The following TEX11 variants were observed in gnomAD, a reference collection of about 807,000 sequenced individuals.
TEX11 encodes testis-expressed protein 11.
TEX11 carries 7 observed loss-of-function variants against 84.4 expected under a neutral mutation model. That is an observed-to-expected ratio of 0.08 (90% CI 0.05 to 0.16). The LOEUF is 0.16. TEX11 is among the 10% of genes least tolerant of loss of function. The pLI is 1.00. For missense variants in TEX11, 551 were observed against 660.5 expected (o/e 0.83, Z 1.82); for synonymous variants, 264 against 222.8 (o/e 1.18, Z -1.64).
intron 25 of TEX11, among the ~76,000 whole-genome samples, chrX:70,567,263 T>C (rs1603076917): frequency 1.8e-5 from 2 of 111,400 alleles, no homozygotes; most frequent in African/African-American, 6.5e-5. Context: ...CCCTTTATCA[T>C]TTTTTATTGC....
At chrX:70,775,736 G>T (rs770581274) in intron 9 of TEX11, among the ~76,000 whole-genome samples, 12 of 91,335 alleles carry the variant, frequency 1.3e-4, no homozygotes, top group African/African-American at 4.6e-4. Flanking sequence ...GGAGGTGAAG[G>T]TTGCAGTGAG....
At chrX:70,759,050 C>T (rs1455226601) in intron 9 of TEX11, among the ~76,000 whole-genome samples, 2 of 111,699 alleles carry the variant, frequency 1.8e-5, no homozygotes, top group African/African-American at 6.5e-5. Flanking sequence ...CATAAACCCT[C>T]CCAAGACTAA....
chrX:70,893,792 T>C (rs1448370223), intron 2 of TEX11, among the ~76,000 whole-genome samples: 2 of 111,152 alleles, frequency 1.8e-5, no homozygotes, highest in Admixed American at 9.6e-5. Context: ...CAGGAGCTGG[T>C]TTTTTGAAAA....
In TEX11 at chrX:70,661,376, G is replaced by T. The variant is rs200494517; in HGVS notation, c.1380+9001C>A. Among the ~76,000 whole-genome samples the T allele has an allele frequency of 4.4e-5, 5 of 112,472 alleles. No homozygotes were observed. In the East Asian group the frequency reaches 1.1e-3, roughly 25 times the overall value. On this transcript the variant is annotated intron_variant, in intron 16 of 29. Coordinates refer to ENST00000374333, the MANE Select transcript of TEX11 (RefSeq NM_031276.3). ...CTTGAGTAGGTAAACAAAGCAGCCCGGAAGCTCGAACTGGGTGGAGCCCAC... is the reference window on the plus strand; with the variant it reads ...CTTGAGTAGGTAAACAAAGCAGCCCTGAAGCTCGAACTGGGTGGAGCCCAC...
chrX:70,808,107 C>CAAAAAAAA lies in TEX11; in HGVS notation c.607-1325_607-1318dup, dbSNP rs549201546. On this transcript the variant is annotated intron_variant, in intron 8 of 29. Coordinates refer to ENST00000374333, the MANE Select transcript of TEX11 (RefSeq NM_031276.3). ...TGGATGACAGAGTGAGACTCTGTCT[C>CAAAAAAAA]AAAAAAAAAAAAAAAAAAAAAAAAA... Among the ~76,000 whole-genome samples the CAAAAAAAA allele has an allele frequency of 3.7e-3, 120 of 32,608 alleles. 6 individuals are homozygous for CAAAAAAAA. The highest frequency in any genetic ancestry group is 7.0e-3 in the African/African-American group (39 of 5,568). 28.3% of individuals were successfully genotyped at this position (32,608 alleles called of 115,157 possible). A position where few individuals can be genotyped will look rare whatever the true frequency, so the allele number is the denominator to read the frequency against.
At chrX:70,682,954 T>C in intron 13 of TEX11, 129 bp from the exon 14 acceptor site, 2 of 562,642 alleles carry the variant, frequency 3.6e-6, no homozygotes, top group Non-Finnish European at 5.5e-6. Context: ...GGTAATGTTA[T>C]TAAATGTCTA....
intron 8 of TEX11, among the ~76,000 whole-genome samples, chrX:70,807,092 T>G (rs183872530): frequency 8.9e-6 from 1 of 112,442 alleles, no homozygotes; most frequent in Non-Finnish European, 1.9e-5. Flanking sequence ...TAAAAGATGC[T>G]TTGTAACAGG....
intron 2 of TEX11, among the ~76,000 whole-genome samples, chrX:70,890,072 A>C (rs2091729329): frequency 1.8e-5 from 2 of 111,821 alleles, no homozygotes; most frequent in Non-Finnish European, 3.8e-5. Context: ...ACAGACTGAA[A>C]ATAAAGGGAT....
At chrX:70,788,883 C>G (rs1228210191) in intron 9 of TEX11, among the ~76,000 whole-genome samples, 1 of 92,341 alleles carries the variant, frequency 1.1e-5, no homozygotes, top group Non-Finnish European at 2.1e-5. Flanking sequence ...AAAGAGTCAA[C>G]CTACAGATTG....
At position 70,808,107 on chromosome X, in the gene TEX11, C is replaced by CAAAAAAA. The variant is rs549201546; in HGVS notation, c.607-1324_607-1318dup. 6.0e-3 allele frequency among the ~76,000 whole-genome samples: 195 copies of CAAAAAAA among 32,608 alleles called. 5 individuals are homozygous for CAAAAAAA. The highest frequency in any genetic ancestry group is 7.3e-3 in the Non-Finnish European group (159 of 21,808). 28.3% of individuals were successfully genotyped at this position (32,608 alleles called of 115,157 possible). The stretch of plus-strand genomic sequence containing the variant: ...TGGATGACAGAGTGAGACTCTGTCT[C>CAAAAAAA]AAAAAAAAAAAAAAAAAAAAAAAAA... On this transcript the variant is annotated intron_variant, in intron 8 of 29. Transcript: ENST00000374333.
intron 7 of TEX11, among the ~76,000 whole-genome samples, chrX:70,849,617 A>G (rs2091496619): frequency 8.9e-6 from 1 of 111,776 alleles, no homozygotes; most frequent in African/African-American, 3.2e-5. Context: ...ACCGCTATTA[A>G]CCGCCATTTT....
intron 9 of TEX11, among the ~76,000 whole-genome samples, chrX:70,782,884 G>T (rs995508019): frequency 6.2e-4 from 69 of 110,458 alleles, no homozygotes; most frequent in African/African-American, 2.1e-3. Flanking sequence ...AATAATGGGA[G>T]ACTTTAACAC....
intron 9 of TEX11, among the ~76,000 whole-genome samples, chrX:70,752,321 T>C (rs1027626571): frequency 6.4e-5 from 7 of 109,404 alleles, no homozygotes; most frequent in African/African-American, 2.3e-4. Flanking sequence ...AGTCAGGAGT[T>C]GGAGACCAGC....
In TEX11 at chrX:70,733,413, G is replaced by A. The variant is rs373653319; in HGVS notation, c.843+7288C>T. On this transcript the variant is annotated intron_variant, in intron 11 of 29. Transcript: ENST00000374333. ...TTTGCAATCTACTCATCTGACAAAG[G>A]GCTAATATCCAGAATCTACAATGAA... is the stretch of plus-strand genomic sequence containing the variant. Among the ~76,000 whole-genome samples the A allele has an allele frequency of 1.9e-4, 21 of 111,406 alleles. No homozygotes were observed. The East Asian group carries it at 2.8e-3, about 15-fold the overall frequency.
intron 20 of TEX11, among the ~76,000 whole-genome samples, chrX:70,616,878 G>A (rs2089323613): frequency 9.0e-6 from 1 of 111,478 alleles, no homozygotes; most frequent in African/African-American, 3.3e-5. Context: ...CAGAGGCTGG[G>A]AAGGGTTGCG....
chrX:70,655,248 T>C (rs1464581937), intron 16 of TEX11, among the ~76,000 whole-genome samples: 2 of 111,207 alleles, frequency 1.8e-5, no homozygotes, highest in Non-Finnish European at 3.8e-5. Context: ...TCAAATAAAA[T>C]GAACAAACTT....
rs570709364 is a variant in TEX11 at position 70,866,717 on chromosome X, C to G, written c.245-5781G>C. On this transcript the variant is annotated intron_variant, in intron 4 of 29. Transcript: ENST00000374333. ...CTACCACGATCAAGTCAGCTTCATC[C>G]CTGGGATGCAAGGCTGGTTCAACAT... Among the ~76,000 whole-genome samples the G allele has an allele frequency of 4.5e-5, 5 of 111,975 alleles. No individual in the cohort carries two copies. The East Asian group carries it at 8.4e-4, about 19-fold the overall frequency.
chrX:70,570,212 G>T (rs182779543), intron 25 of TEX11, among the ~76,000 whole-genome samples: 211 of 112,275 alleles, frequency 1.9e-3, no homozygotes, highest in East Asian at 5.1e-3. Flanking sequence ...CTACGAGCCA[G>T]GTGCGGGATA....
At chrX:70,753,264 T>A (rs2090842948) in intron 9 of TEX11, among the ~76,000 whole-genome samples, 1 of 110,324 alleles carries the variant, frequency 9.1e-6, no homozygotes, top group Non-Finnish European at 1.9e-5. Flanking sequence ...CCAGGGTGGC[T>A]AGAGAGTGCT....
Sources: gnomAD v4.1 joint callset for allele counts (sites outside exome capture counted in the v4.1 genomes callset) on GRCh38, gnomAD v4.1.1 for gene constraint, MANE v1.5 for transcripts, NCBI Gene and HGNC (gene_info 2026-07-23, HGNC 2026-07-21) for gene names.